Variants in SYT1 observed in about 807,000 individuals in gnomAD.
The protein encoded by SYT1 is synaptotagmin-1.
In SYT1, 8 loss-of-function variants were observed where a neutral mutation model predicts 44.8. That is an observed-to-expected ratio of 0.18 (90% CI 0.10 to 0.32). The LOEUF is 0.32. Among genes scored for constraint, SYT1 ranks in the 10% least tolerant of loss-of-function variants. The pLI is 1.00. For synonymous variants in SYT1, 154 were observed against 188.8 expected (o/e 0.82, Z 1.51); for missense variants, 286 against 509.3 (o/e 0.56, Z 4.22).
chr12:79,334,080 A>C (rs1199650301), intron 8 of SYT1, among the ~76,000 whole-genome samples: 1 of 152,178 alleles, frequency 6.6e-6, no homozygotes, highest in Non-Finnish European at 1.5e-5. Flanking sequence ...CTTCAAAAAA[A>C]AGTTACTGAG....
intron 5 of SYT1, among the ~76,000 whole-genome samples, chr12:79,289,466 T>C (rs1879466939): frequency 6.6e-6 from 1 of 152,180 alleles, no homozygotes; most frequent in Admixed American, 6.5e-5. Flanking sequence ...TGATGAACAG[T>C]AGCACTGAGA....
chr12:79,049,862 T>A (rs1874341968), intron 3 of SYT1, among the ~76,000 whole-genome samples: 1 of 152,040 alleles, frequency 6.6e-6, no homozygotes, highest in Non-Finnish European at 1.5e-5. Flanking sequence ...ATTACTATAA[T>A]ATTGCTAAAG....
chr12:79,090,719 T>C (rs1877717523), intron 3 of SYT1, among the ~76,000 whole-genome samples: 1 of 151,944 alleles, frequency 6.6e-6, no homozygotes, highest in African/African-American at 2.4e-5. Context: ...AAGAAGGGCC[T>C]AAGGTTTTTA....
intron 2 of SYT1, among the ~76,000 whole-genome samples, chr12:79,013,212 C>A (rs575038999): frequency 6.6e-6 from 1 of 151,958 alleles, no homozygotes; most frequent in South Asian, 2.1e-4. Context: ...CTTAACTAGA[C>A]TGAATGCAGG....
chr12:78,885,216 G>A (rs1874665493), intron 1 of SYT1, among the ~76,000 whole-genome samples: 1 of 150,928 alleles, frequency 6.6e-6, no homozygotes, highest in Non-Finnish European at 1.5e-5. Context: ...AAAATAAGTG[G>A]AGAAAGGAAG....
At chr12:79,387,403 T>C (rs1242821546) in intron 9 of SYT1, among the ~76,000 whole-genome samples, 1 of 152,154 alleles carries the variant, frequency 6.6e-6, no homozygotes, top group African/African-American at 2.4e-5. Context: ...CTACCATAAT[T>C]AGAACCATAA....
chr12:79,254,804 T>G (rs1245832), intron 4 of SYT1, among the ~76,000 whole-genome samples: 117,140 of 152,166 alleles, frequency 0.77, 46,099 homozygotes, highest in African/African-American at 0.94. Context: ...AGTGGAGAAG[T>G]TAAATGCAGA....
intron 4 of SYT1, among the ~76,000 whole-genome samples, chr12:79,248,112 C>T (rs1276121863): frequency 1.3e-5 from 2 of 152,168 alleles, no homozygotes; most frequent in Admixed American, 1.3e-4. Flanking sequence ...GGATGCCCCA[C>T]ATTAAAGTAG....
chr12:79,126,181 A>T (rs2080192672), intron 3 of SYT1, among the ~76,000 whole-genome samples: 1 of 152,248 alleles, frequency 6.6e-6, no homozygotes, highest in African/African-American at 2.4e-5. Flanking sequence ...GCACATTTAA[A>T]ATACATAGCT....
intron 9 of SYT1, among the ~76,000 whole-genome samples, chr12:79,423,775 A>G (rs1023303503): frequency 6.6e-6 from 1 of 151,854 alleles, no homozygotes; most frequent in Non-Finnish European, 1.5e-5. Flanking sequence ...ACAGAAATCT[A>G]GTCCCTCTCC....
intron 3 of SYT1, among the ~76,000 whole-genome samples, chr12:79,180,716 G>C (rs187713597): frequency 6.6e-6 from 1 of 151,862 alleles, no homozygotes; most frequent in Non-Finnish European, 1.5e-5. Context: ...ACTATCATGA[G>C]GACAGTATCA....
intron 1 of SYT1, among the ~76,000 whole-genome samples, chr12:78,894,140 A>G (rs1164591166): frequency 2.6e-5 from 4 of 151,174 alleles, no homozygotes; most frequent in African/African-American, 9.7e-5. Context: ...AACCACTCCT[A>G]CATTCTTTTT....
chr12:79,338,112 T>C (rs898940772), intron 8 of SYT1, among the ~76,000 whole-genome samples: 5 of 152,150 alleles, frequency 3.3e-5, no homozygotes, highest in Admixed American at 6.5e-5. Context: ...CCTTAGGCAA[T>C]TGGCCATTTG....
At chr12:79,173,657 G>A (rs1249786487) in intron 3 of SYT1, among the ~76,000 whole-genome samples, 2 of 152,014 alleles carry the variant, frequency 1.3e-5, no homozygotes. Flanking sequence ...GCTTAAAAGA[G>A]GAATACAAAT....
chr12:78,969,934 ACTTT>A (rs1868336558), intron 1 of SYT1, among the ~76,000 whole-genome samples: 1 of 152,296 alleles, frequency 6.6e-6, no homozygotes, highest in Non-Finnish European at 1.5e-5. Context: ...TTCTACTAGT[ACTTT>A]CTTTCCTAAT....
chr12:78,868,443 C>A (rs1873655062), intron 1 of SYT1, among the ~76,000 whole-genome samples: 1 of 151,550 alleles, frequency 6.6e-6, no homozygotes, highest in Non-Finnish European at 1.5e-5. Flanking sequence ...TATATCTGTA[C>A]CAAAAGTTCA....
At chr12:79,372,708 T>G (rs1883841486) in intron 9 of SYT1, among the ~76,000 whole-genome samples, 2 of 152,214 alleles carry the variant, frequency 1.3e-5, no homozygotes, top group South Asian at 4.1e-4. Flanking sequence ...CAAGTAGATC[T>G]AAAATTTCAT....
At chr12:79,169,428 A>C (rs914232335) in intron 3 of SYT1, among the ~76,000 whole-genome samples, 8 of 152,008 alleles carry the variant, frequency 5.3e-5, no homozygotes, top group African/African-American at 1.9e-4. Context: ...GGAAAAAAGA[A>C]ATATATACAA....
chr12:79,035,221 A>G (rs917962130), intron 2 of SYT1, among the ~76,000 whole-genome samples: 3 of 151,738 alleles, frequency 2.0e-5, no homozygotes, highest in African/African-American at 7.2e-5. Flanking sequence ...GGAGCAAACC[A>G]AGGTTTAAAT....
Sources: gnomAD v4.1 joint callset for allele counts (sites outside exome capture counted in the v4.1 genomes callset) on GRCh38, gnomAD v4.1.1 for gene constraint, MANE v1.5 for transcripts, NCBI Gene and HGNC (gene_info 2026-07-23, HGNC 2026-07-21) for gene names.